Variants in ARHGAP10 observed in about 807,000 individuals in gnomAD.
ARHGAP10 encodes the protein rho GTPase-activating protein 10.
Under a neutral mutation model 108.6 loss-of-function variants are expected in ARHGAP10, and 87 were observed. The ratio of observed to expected loss-of-function variants is 0.80; its 90% CI spans 0.67 to 0.96. ARHGAP10 has a LOEUF of 0.96. Ranked by LOEUF, ARHGAP10 falls within the 40% of genes least tolerant of loss-of-function variation. The probability of loss-of-function intolerance (pLI) is 0.00; values close to 1 mark genes in which losing one functional copy is unlikely to be tolerated. For missense variants in ARHGAP10, 939 were observed against 954.5 expected, an observed-to-expected ratio of 0.98 and a Z score of 0.21; for synonymous variants, 347 against 341.1, an observed-to-expected ratio of 1.02 and a Z score of -0.19.
intron 1 of ARHGAP10, among the ~76,000 whole-genome samples, chr4:147,780,822 C>A (rs1193595716): frequency 6.6e-6 from 1 of 152,000 alleles, no homozygotes; most frequent in Non-Finnish European, 1.5e-5. Flanking sequence ...GGAGTGCTGC[C>A]GGCATGGCAT....
At chr4:147,744,584 CTT>C (rs1372510980) in intron 1 of ARHGAP10, among the ~76,000 whole-genome samples, 1 of 151,666 alleles carries the variant, frequency 6.6e-6, no homozygotes, top group African/African-American at 2.4e-5. Context: ...AGGCCAGAGA[CTT>C]TGGTGGCAGA....
At chr4:147,981,602 T>A (rs1739808883) in intron 18 of ARHGAP10, among the ~76,000 whole-genome samples, 1 of 152,238 alleles carries the variant, frequency 6.6e-6, no homozygotes, top group South Asian at 2.1e-4. Context: ...AGTTCAGAAT[T>A]TCTTTGTTCA....
intron 1 of ARHGAP10, among the ~76,000 whole-genome samples, chr4:147,788,977 C>T (rs1030616539): frequency 2.6e-5 from 4 of 152,108 alleles, no homozygotes; most frequent in Admixed American, 6.5e-5. Context: ...TAAACTTATC[C>T]GGTTCTTGCA....
intron 1 of ARHGAP10, among the ~76,000 whole-genome samples, chr4:147,778,543 T>C (rs960673521): frequency 6.6e-6 from 1 of 152,194 alleles, no homozygotes; most frequent in African/African-American, 2.4e-5. Flanking sequence ...TATTTCAGTT[T>C]TGTTAAAGCC....
rs546131806 is a variant in ARHGAP10, at chr4:147,894,204, A to G, written c.1034+12272A>G. Among the ~76,000 whole-genome samples the G allele has an allele frequency of 1.2e-4, 18 of 152,282 alleles. No homozygotes were observed. In the South Asian group the frequency reaches 2.5e-3, roughly 21 times the overall value. On this transcript the variant is annotated intron_variant, in intron 10 of 22. Transcript: ENST00000336498. ...GACTTCTCAGGCAATTAAGGTTACA[A>G]AGTAATTTTACCCTCCCATCAGCAG...
intron 15 of ARHGAP10, among the ~76,000 whole-genome samples, chr4:147,948,838 C>T (rs1053157461): frequency 4.0e-5 from 6 of 151,392 alleles, no homozygotes; most frequent in Admixed American, 6.6e-5. Context: ...TGGTGGTGGG[C>T]GCCTGTAGTC....
chr4:147,909,824 T>C, intron 12 of ARHGAP10, 47 bp downstream of exon 12: 1 of 1,551,720 alleles, frequency 6.4e-7, no homozygotes. Context: ...TTTCCATCTA[T>C]TACTTTGTGT....
intron 15 of ARHGAP10, among the ~76,000 whole-genome samples, 200 bp downstream of exon 15, chr4:147,946,904 C>A (rs1436366595): frequency 6.6e-6 from 1 of 152,142 alleles, no homozygotes; most frequent in African/African-American, 2.4e-5. Context: ...TGCAACAGAA[C>A]AGAAATTGAC....
At chr4:147,973,520 A>G (rs1387215939) in intron 18 of ARHGAP10, among the ~76,000 whole-genome samples, 3 of 152,178 alleles carry the variant, frequency 2.0e-5, no homozygotes, top group African/African-American at 7.2e-5. Flanking sequence ...GCATTTATCC[A>G]TTCTTTGTGT....
At chr4:147,977,775 A>G (rs1489448247) in intron 18 of ARHGAP10, among the ~76,000 whole-genome samples, 4 of 152,120 alleles carry the variant, frequency 2.6e-5, no homozygotes, top group African/African-American at 9.7e-5. Context: ...ATAGTACTCA[A>G]CAGGAAGTTT....
chr4:147,882,039 T>A, intron 10 of ARHGAP10, 107 bp downstream of exon 10: 1 of 959,124 alleles, frequency 1.0e-6, no homozygotes, highest in Non-Finnish European at 1.6e-6. Context: ...GGGAGAATGT[T>A]ATCTTGCTAT....
intron 7 of ARHGAP10, among the ~76,000 whole-genome samples, chr4:147,872,120 A>AT (rs1734849018): frequency 6.8e-6 from 1 of 148,050 alleles, no homozygotes; most frequent in Non-Finnish European, 1.5e-5. Flanking sequence ...AAAAAAAAAA[A>AT]GCCTTCCATT....
At chr4:147,846,980 T>G (rs1230901314) in intron 3 of ARHGAP10, among the ~76,000 whole-genome samples, 171 bp from the exon 4 acceptor site, 1 of 152,208 alleles carries the variant, frequency 6.6e-6, no homozygotes, top group African/African-American at 2.4e-5. Context: ...GGAGTTCTAG[T>G]GCTTTAATAA....
At chr4:148,029,076 G>A (rs762857618) in intron 19 of ARHGAP10, among the ~76,000 whole-genome samples, 1 of 152,144 alleles carries the variant, frequency 6.6e-6, no homozygotes, top group South Asian at 2.1e-4. Context: ...AGTAAAAAAT[G>A]GTGTAGAATG....
chr4:147,983,732 C>A (rs1047886313), intron 18 of ARHGAP10, among the ~76,000 whole-genome samples: 1 of 148,954 alleles, frequency 6.7e-6, no homozygotes, highest in Non-Finnish European at 1.5e-5. Flanking sequence ...TCTTGGATTT[C>A]AATTTTCTCT....
intron 1 of ARHGAP10, among the ~76,000 whole-genome samples, chr4:147,762,508 T>TTATG (rs1729630276): frequency 6.7e-6 from 1 of 149,682 alleles, no homozygotes; most frequent in African/African-American, 2.5e-5. Context: ...GCTTATTTAT[T>TTATG]TATTTATTTA....
intron 1 of ARHGAP10, among the ~76,000 whole-genome samples, chr4:147,764,122 C>T (rs1040541550): frequency 6.6e-6 from 1 of 152,040 alleles, no homozygotes; most frequent in African/African-American, 2.4e-5. Flanking sequence ...GGATAGGTTT[C>T]CTGGAAGGTA....
In ARHGAP10 at chr4:147,835,963, A is replaced by G. The variant is rs549134191; in HGVS notation, c.313-11188A>G. Among the ~76,000 whole-genome samples the G allele has an allele frequency of 2.6e-5, 4 of 152,356 alleles. No homozygotes were observed. In the East Asian group the frequency reaches 5.8e-4, roughly 22 times the overall value. On this transcript the variant is annotated intron_variant, in intron 3 of 22. Transcript: ENST00000336498. ...GATCAAGTTTCAGCATCTGCTGCAT[A>G]TCCTTATTAGGCAGACTCATTCCTT...
intron 18 of ARHGAP10, among the ~76,000 whole-genome samples, chr4:147,989,189 G>C (rs938441439): frequency 1.3e-5 from 2 of 152,232 alleles, no homozygotes; most frequent in Non-Finnish European, 2.9e-5. Context: ...TTTCAAAAGG[G>C]GAGGGAGTAT....
Sources: allele counts gnomAD v4.1 joint callset (sites outside exome capture counted in the v4.1 genomes callset), GRCh38; gene constraint gnomAD v4.1.1; transcripts MANE v1.5; gene names NCBI Gene and HGNC (gene_info 2026-07-23, HGNC 2026-07-21).